Variants in SHISAL1 observed in about 807,000 individuals in gnomAD.
The protein encoded by SHISAL1 is protein shisa-like-1.
Under a neutral mutation model 22.6 loss-of-function variants are expected in SHISAL1, and 9 were observed. The observed-to-expected ratio is 0.40, with a 90% CI of 0.24 to 0.70. SHISAL1 has a LOEUF of 0.70. Ranked by LOEUF, SHISAL1 falls within the 30% of genes least tolerant of loss-of-function variation. SHISAL1 has a pLI of 0.39. For synonymous variants in SHISAL1, 119 were observed against 115.4 expected (o/e 1.03, Z -0.20); for missense variants, 246 against 270.6 (o/e 0.91, Z 0.64).
intron 4 of SHISAL1, among the ~76,000 whole-genome samples, chr22:44,276,687 C>T (rs376578207): frequency 1.3e-5 from 2 of 152,100 alleles, no homozygotes; most frequent in South Asian, 4.1e-4. Context: ...GCCGGTCCCC[C>T]ACGTCTATGG....
At chr22:44,274,734 G>A (rs2055227984) in intron 4 of SHISAL1, among the ~76,000 whole-genome samples, 1 of 152,158 alleles carries the variant, frequency 6.6e-6, no homozygotes, top group African/African-American at 2.4e-5. Flanking sequence ...CACAAAAGCA[G>A]GTGTGCATTA....
At position 44,292,640 on chromosome 22, in the gene SHISAL1, C is replaced by T. The variant is rs566974143; in HGVS notation, c.281+4032G>A. Among the ~76,000 whole-genome samples the T allele has an allele frequency of 5.3e-5, 8 of 152,340 alleles. No individual in the cohort carries two copies. In the East Asian group the frequency reaches 1.5e-3, roughly 29 times the overall value. ...CTGGGTCCCCGTGCACACAGAGGCCCTCTCCAGCCCATCCAATGACCCAGG... is the reference window on the plus strand; with the variant it reads ...CTGGGTCCCCGTGCACACAGAGGCCTTCTCCAGCCCATCCAATGACCCAGG... On this transcript the variant is annotated intron_variant, in intron 3 of 4. Transcript: ENST00000381176.
chr22:44,323,154 T>C, the SHISAL1 span, among the ~76,000 whole-genome samples: 4,294 of 130,750 alleles, frequency 0.033, 96 homozygotes, highest in East Asian at 0.15. Context: ...CATCCACCCA[T>C]TCATCCATCC....
At chr22:44,297,162 T>G (rs1263669900) in intron 2 of SHISAL1, among the ~76,000 whole-genome samples, 1 of 152,156 alleles carries the variant, frequency 6.6e-6, no homozygotes, top group Non-Finnish European at 1.5e-5. Flanking sequence ...GTCACTCAAT[T>G]AGGAAATCAG....
chr22:44,268,964 A>C (rs1481787142), intron 4 of SHISAL1, among the ~76,000 whole-genome samples: 2 of 152,000 alleles, frequency 1.3e-5, no homozygotes, highest in Admixed American at 6.6e-5. Context: ...GCACCCTTGC[A>C]TCTCTGTGCT....
Position 44,285,436 on chromosome 22 carries a change from C to T in SHISAL1, c.591G>A (p.Ser197=), listed in dbSNP as rs778093547. The change falls in exon 4 of 5, where the codon TCG becomes TCA. Residue 197 remains serine (S), a synonymous_variant. Transcript: ENST00000381176. ...CAATTGTAGCCACTCACCAGGCAGA[C>T]GAACTCTGGAAGGTCATCAGCGGTG... is the stretch of plus-strand genomic sequence containing the variant. ...HSPPLMTFQS[S]SA 15 of 1,614,048 alleles carry T rather than the reference C, an allele frequency of 9.3e-6. No homozygotes were observed. The highest frequency in any genetic ancestry group is 5.3e-5 in the African/African-American group (4 of 75,052).
intron 4 of SHISAL1, among the ~76,000 whole-genome samples, chr22:44,263,041 GTGGGGC>G (rs1329827223): frequency 1.3e-5 from 2 of 151,332 alleles, no homozygotes; most frequent in East Asian, 3.9e-4. Context: ...CATGTGGGGT[GTGGGGC>G]TGGGAGCCTT....
At chr22:44,324,400 G>A in the SHISAL1 span, among the ~76,000 whole-genome samples, 1 of 152,166 alleles carries the variant, frequency 6.6e-6, no homozygotes, top group Admixed American at 6.5e-5. Context: ...ACAACCACAG[G>A]CTTGGTGGTC....
rs1368023014 is a variant in SHISAL1 at position 44,249,036 on chromosome 22, C to A, written c.*649G>T. On this transcript the variant is annotated 3_prime_UTR_variant, in exon 5 of 5. Transcript: ENST00000381176. ...AAGAAACAACCCTGACTGGCATTTT[C>A]AAATCCCCAGTGCTCCCCGAGACAC... The A allele has an allele frequency of 1.3e-5, 2 of 152,116 alleles. No individual in the cohort carries two copies. Among genetic ancestry groups the A allele is most frequent in the Admixed American group, 1.3e-4 (2 of 15,256 alleles). The allele number at this position is 152,116 out of a possible 1,614,324, so 9.4% of individuals were successfully genotyped here. A position where few individuals can be genotyped will look rare whatever the true frequency, so the allele number is the denominator to read the frequency against.
intron 3 of SHISAL1, among the ~76,000 whole-genome samples, chr22:44,295,657 C>T: frequency 6.6e-6 from 1 of 151,948 alleles, no homozygotes; most frequent in African/African-American, 2.4e-5. Flanking sequence ...TGCAACTCAT[C>T]ATATTTCCTT....
upstream of SHISAL1, among the ~76,000 whole-genome samples, chr22:44,313,342 C>T (rs1365604169): frequency 6.6e-6 from 1 of 152,220 alleles, no homozygotes; most frequent in African/African-American, 2.4e-5. Flanking sequence ...GCCAGCATGG[C>T]CCGGGGAGGG....
At chr22:44,277,213 G>A (rs768127278) in intron 4 of SHISAL1, among the ~76,000 whole-genome samples, 7 of 152,182 alleles carry the variant, frequency 4.6e-5, no homozygotes, top group African/African-American at 7.2e-5. Flanking sequence ...ACGCGATGCC[G>A]GGAGAGGGAT....
At chr22:44,250,917 C>A (rs1443461689) in intron 4 of SHISAL1, among the ~76,000 whole-genome samples, 10 of 152,334 alleles carry the variant, frequency 6.6e-5, no homozygotes, top group Non-Finnish European at 1.5e-4. Flanking sequence ...CCCACCTCCC[C>A]AGAGTGAGTG....
chr22:44,282,806 C>A (rs1375672708), intron 4 of SHISAL1, among the ~76,000 whole-genome samples: 1 of 152,206 alleles, frequency 6.6e-6, no homozygotes, highest in Non-Finnish European at 1.5e-5. Context: ...ACACTCCTTG[C>A]CTGGACATTC....
intron 2 of SHISAL1, 27 bp downstream of exon 2, chr22:44,300,852 C>A (rs201682110): frequency 9.3e-6 from 15 of 1,608,712 alleles, no homozygotes; most frequent in Middle Eastern, 1.7e-4. Flanking sequence ...GTGCCGCCCC[C>A]GCCCCCAGCA....
chr22:44,329,638 T>C, the SHISAL1 span, among the ~76,000 whole-genome samples: 2 of 152,204 alleles, frequency 1.3e-5, no homozygotes, highest in Non-Finnish European at 2.9e-5. Flanking sequence ...GGCTGCCTGG[T>C]TGCAGAACTT....
chr22:44,258,265 C>T (rs1465193898), intron 4 of SHISAL1, among the ~76,000 whole-genome samples: 1 of 152,162 alleles, frequency 6.6e-6, no homozygotes, highest in African/African-American at 2.4e-5. Context: ...CAAGATCGCA[C>T]CACTGCACTC....
At chr22:44,251,401 A>T (rs2055046603) in intron 4 of SHISAL1, among the ~76,000 whole-genome samples, 1 of 152,242 alleles carries the variant, frequency 6.6e-6, no homozygotes, top group Non-Finnish European at 1.5e-5. Flanking sequence ...GGATACGCTT[A>T]GGCAAATCAA....
At chr22:44,321,231 C>G in the SHISAL1 span, among the ~76,000 whole-genome samples, 2 of 152,178 alleles carry the variant, frequency 1.3e-5, no homozygotes, top group South Asian at 4.1e-4. Flanking sequence ...AACCCACCTG[C>G]GACGAGAGTC....
Sources: allele counts gnomAD v4.1 joint callset (sites outside exome capture counted in the v4.1 genomes callset), GRCh38; gene constraint gnomAD v4.1.1; transcripts MANE v1.5; gene names NCBI Gene and HGNC (gene_info 2026-07-23, HGNC 2026-07-21).